GIGYF1: variants seen among roughly 807,000 people sequenced by gnomAD.
GIGYF1 encodes GRB10 interacting GYF protein 1, also known as GRB10-interacting GYF protein 1.
Under a neutral mutation model 147.1 loss-of-function variants are expected in GIGYF1, and 84 were observed. The observed-to-expected ratio is 0.57, with a 90% CI of 0.48 to 0.68. The LOEUF (loss-of-function observed/expected upper bound fraction) is 0.68. Among genes scored for constraint, GIGYF1 ranks in the 30% least tolerant of loss-of-function variants. The pLI, the probability that GIGYF1 is intolerant of heterozygous loss-of-function variation, is 0.00. For synonymous variants in GIGYF1, 752 were observed against 589.5 expected, an observed-to-expected ratio of 1.28 and a Z score of -3.99; for missense variants, 1,485 against 1,393.7, an observed-to-expected ratio of 1.07 and a Z score of -1.04.
Position 100,687,533 on chromosome 7 carries a change from G to T in GIGYF1, c.345C>A (p.Ser115=). 6.2e-7 allele frequency: 1 copy of T among 1,612,434 alleles called. No homozygotes were observed. Among genetic ancestry groups the T allele is most frequent in the Non-Finnish European group, 8.5e-7 (1 of 1,179,710 alleles). ...KGAGPPLAGT[S]RGRGSTRSRG... is the part of the protein sequence containing the mutation. ...GGCTCCGCGTGCTGCCCCTGCCTCG[G>T]GAGGTGCCAGCCAGGGGGGGGCCAG... Residue 115 remains serine, a synonymous_variant, in exon 7 of 27, where the codon TCC becomes TCA. Transcript: ENST00000678049.
rs760757328 is a variant in GIGYF1, at chr7:100,687,627, A to G, written c.262-11T>C. 20 of 1,602,820 alleles carry G rather than the reference A, an allele frequency of 1.2e-5. No individual in the cohort carries two copies. Among genetic ancestry groups the G allele is most frequent in the Non-Finnish European group, 1.5e-5 (18 of 1,174,548 alleles). ...CAGGGAGAAGTTTCTCTGAGGAGGG[A>G]GCCAGGGGCGGGAGTGAGGACCCAG... On this transcript the variant is annotated splice_polypyrimidine_tract_variant and intron_variant, in intron 6 of 26. Coordinates refer to ENST00000678049, the MANE Select transcript of GIGYF1 (RefSeq NM_001375765.1).
Position 100,684,083 on chromosome 7 carries a change from G to GCT in GIGYF1, c.1804_1805insAG (p.Pro602GlnfsTer33). ...CGTGAGCTGCTGCTGCTGCTGCTGT[G>GCT]GCGGCGGCGGTGGTGGCGGTGTCAG... is the stretch of plus-strand genomic sequence containing the variant. On this transcript the variant is annotated frameshift_variant, in exon 18 of 27. Coordinates refer to ENST00000678049, the MANE Select transcript of GIGYF1 (RefSeq NM_001375765.1). LOFTEE classifies it high-confidence loss of function. 1 of 1,606,672 alleles carries GCT rather than the reference G, an allele frequency of 6.2e-7. No individual in the cohort carries two copies. Among genetic ancestry groups the GCT allele is most frequent in the Non-Finnish European group, 8.5e-7 (1 of 1,179,558 alleles).
Position 100,688,275 on chromosome 7 carries a change from G to GT in GIGYF1, c.-38_-37insA. On this transcript the variant is annotated 5_prime_UTR_variant, in exon 4 of 27. Coordinates refer to ENST00000678049, the MANE Select transcript of GIGYF1 (RefSeq NM_001375765.1). ...GCGTGTTTGAGAGGCCGGGGGTGGG[G>GT]AGGAGGGGACCTGGCGTTCACTGTC... The GT allele has an allele frequency of 1.6e-6, 2 of 1,249,072 alleles. No homozygotes were observed. Among genetic ancestry groups the GT allele is most frequent in the Non-Finnish European group, 2.3e-6 (2 of 855,538 alleles). The allele number at this position is 1,249,072 out of a possible 1,614,324, so 77.4% of individuals were successfully genotyped here.
rs776031726 is a variant in GIGYF1, at chr7:100,684,085, C to A, written c.1803G>T (p.Pro601=). Residue 601 remains proline (P), a synonymous_variant, in exon 18 of 27, where the codon CCG becomes CCT. Coordinates refer to ENST00000678049, the MANE Select transcript of GIGYF1 (RefSeq NM_001375765.1). ...TGAGCTGCTGCTGCTGCTGCTGTGG[C>A]GGCGGCGGTGGTGGCGGTGTCAGGT... ...LGDLTPPPPP[P]PQQQQQQLTA... 7 of 1,606,040 alleles carry A rather than the reference C, an allele frequency of 4.4e-6. No homozygotes were observed. The highest frequency in any genetic ancestry group is 4.0e-5 in the African/African-American group (3 of 74,736).
chr7:100,693,705 G>A (rs1054044160), intron 1 of GIGYF1, among the ~76,000 whole-genome samples: 2 of 152,062 alleles, frequency 1.3e-5, no homozygotes, highest in Non-Finnish European at 1.5e-5. Context: ...CCCAGGGCAG[G>A]GCTTGGCAGG....
rs549384603 is a variant in GIGYF1, at chr7:100,686,221, T to C, written c.907A>G (p.Met303Val). Residue 303 changes from methionine to valine, a missense_variant, in exon 11 of 27, where the codon ATG (methionine) becomes GTG (valine). Transcript: ENST00000678049. ...EWCLDDEDEE[M>V]GTFDASGAFL... ...GCCCCAGAGGCATCAAAGGTGCCCA[T>C]TTCTTCATCCTCATCGTCCAGGCAC... 23 of 1,613,644 alleles carry C rather than the reference T, an allele frequency of 1.4e-5. No individual in the cohort carries two copies. The highest frequency in any genetic ancestry group is 1.9e-5 in the Non-Finnish European group (23 of 1,179,876).
Position 100,683,397 on chromosome 7 carries a change from C to T in GIGYF1, c.2100G>A (p.Glu700=), listed in dbSNP as rs780327495. 1.9e-6 allele frequency: 3 copies of T among 1,613,772 alleles called. No individual in the cohort carries two copies. The highest frequency in any genetic ancestry group is 2.5e-6 in the Non-Finnish European group (3 of 1,180,014). ...GCTTCTCCTCTCGACGCTTGCGTTC[C>T]TCTTCCTCCCGCTTCGCCCTGAGCT... is the stretch of plus-strand genomic sequence containing the variant. The part of the protein sequence containing the change: ...EVELRAKREE[E]ERKRREEKRR... The change falls in exon 21 of 27, where the codon GAG becomes GAA. Residue 700 remains glutamate (E), a synonymous_variant. Coordinates refer to ENST00000678049, the MANE Select transcript of GIGYF1 (RefSeq NM_001375765.1).
At position 100,684,765 on chromosome 7, in the gene GIGYF1, C is replaced by A. The variant is rs1243437982; in HGVS notation, c.1420G>T (p.Ala474Ser). The A allele has an allele frequency of 6.2e-7, 1 of 1,612,122 alleles. No individual in the cohort carries two copies. Among genetic ancestry groups the A allele is most frequent in the South Asian group, 1.1e-5 (1 of 90,898 alleles). Residue 474 changes from alanine to serine, a missense_variant, in exon 15 of 27, where the codon GCC (alanine) becomes TCC (serine). Transcript: ENST00000678049. ...ATALPLSHGA[A>S]RKWFYKDPQG... ...GGGTCCTTGTAGAACCACTTCCGGG[C>A]AGCCCCATGGCTGAGCGGGAGGGCA...
At chr7:100,682,925 G>T in intron 22 of GIGYF1, 87 bp downstream of exon 22, 1 of 1,293,602 alleles carries the variant, frequency 7.7e-7, no homozygotes, top group Non-Finnish European at 1.0e-6. Context: ...CTGGGGCTGG[G>T]GCTGCACAAG....
Position 100,684,825 on chromosome 7 carries a change from G to T in GIGYF1, c.1360C>A (p.Gln454Lys). The stretch of plus-strand genomic sequence containing the variant: ...GCAGAGTGGCGCAGGCCCTGGGTCT[G>T]CATGGCAGCCGTGAACTGCTCCTCC... ...LEEEQFTAAM[Q>K]TQGLRHSAAA... The change falls in exon 15 of 27, where the codon CAG becomes AAG. Residue 454 changes from glutamine to lysine, a missense_variant. Gln to Lys is a moderately conservative substitution (Grantham distance 53, BLOSUM62 1). Coordinates refer to ENST00000678049, the MANE Select transcript of GIGYF1 (RefSeq NM_001375765.1). 6.2e-7 allele frequency: 1 copy of T among 1,608,590 alleles called. No individual in the cohort carries two copies. The highest frequency in any genetic ancestry group is 8.5e-7 in the Non-Finnish European group (1 of 1,177,454).
rs764927864 is a variant in GIGYF1, at chr7:100,684,290, C to A, written c.1677G>T (p.Ala559=). The change falls in exon 17 of 27, where the codon GCG becomes GCT. Residue 559 remains alanine (A), a synonymous_variant. Coordinates refer to ENST00000678049, the MANE Select transcript of GIGYF1 (RefSeq NM_001375765.1). The part of the protein sequence containing the change: ...ERLKKQQELA[A]AALYQQLQHQ... ...GCTGCAGCTGCTGGTACAAGGCCGC[C>A]GCGGCCAGCTCCTGTTGCTTCTTCA... 6.2e-7 allele frequency: 1 copy of A among 1,604,960 alleles called. No homozygotes were observed. The highest frequency in any genetic ancestry group is 2.2e-5 in the East Asian group (1 of 44,488).
intron 1 of GIGYF1, among the ~76,000 whole-genome samples, chr7:100,691,109 A>T (rs967909725): frequency 6.6e-6 from 1 of 152,164 alleles, no homozygotes; most frequent in Non-Finnish European, 1.5e-5. Flanking sequence ...CCTTGGACTA[A>T]AGGAACTAGT....
In GIGYF1 at chr7:100,681,567, G is replaced by C; in HGVS notation, c.*152C>G. ...CTGTAAAGTGCCTCGTGGTGGGTGAGTTAAGGTGCATCGTGTGTTTGTAAC... is the reference window on the plus strand; with the variant it reads ...CTGTAAAGTGCCTCGTGGTGGGTGACTTAAGGTGCATCGTGTGTTTGTAAC... On this transcript the variant is annotated 3_prime_UTR_variant, in exon 27 of 27. Transcript: ENST00000678049. The C allele has an allele frequency of 1.8e-6, 1 of 545,512 alleles. No homozygotes were observed. Among genetic ancestry groups the C allele is most frequent in the South Asian group, 3.8e-5 (1 of 26,604 alleles). The allele number at this position is 545,512 out of a possible 1,614,324, so 33.8% of individuals were successfully genotyped here.
At chr7:100,688,158 T>G in intron 4 of GIGYF1, 46 bp downstream of exon 4, 1 of 1,609,160 alleles carries the variant, frequency 6.2e-7, no homozygotes, top group Non-Finnish European at 8.5e-7. Flanking sequence ...GCAGCCTGAC[T>G]GTGCTTTCTC....
intron 1 of GIGYF1, among the ~76,000 whole-genome samples, chr7:100,692,992 T>C (rs1237069105): frequency 6.6e-6 from 1 of 152,172 alleles, no homozygotes; most frequent in Admixed American, 6.6e-5. Flanking sequence ...GGTGTTTCCA[T>C]GCCAAAGGCG....
chr7:100,685,279 G>C, intron 13 of GIGYF1, 65 bp downstream of exon 13: 1 of 1,534,388 alleles, frequency 6.5e-7, no homozygotes. Flanking sequence ...CCACCCCCAC[G>C]AGTGGGGAGC....
At position 100,688,700 on chromosome 7, in the gene GIGYF1, T is replaced by G. The variant is rs544684843; in HGVS notation, c.-243A>C. 7 of 357,532 alleles carry G rather than the reference T, an allele frequency of 2.0e-5. No homozygotes were observed. Among genetic ancestry groups the G allele is most frequent in the Admixed American group, 1.8e-4 (5 of 27,866 alleles). 22.1% of individuals were successfully genotyped at this position (357,532 alleles called of 1,614,324 possible). Reference sequence around the variant, plus strand: ...ACCTCAGTAGAGCCTGGGAGGGACCTTCACATCTGGGAAAGACCCTTAAGG... The same window carrying G: ...ACCTCAGTAGAGCCTGGGAGGGACCGTCACATCTGGGAAAGACCCTTAAGG... On this transcript the variant is annotated 5_prime_UTR_variant, in exon 2 of 27. Transcript: ENST00000678049.
chr7:100,686,127 G>A, intron 11 of GIGYF1, 48 bp from the exon 12 acceptor site: 2 of 1,602,152 alleles, frequency 1.2e-6, no homozygotes, highest in African/African-American at 1.3e-5. Flanking sequence ...GGTGGGTGGG[G>A]AGGAAGAGGA....
intron 1 of GIGYF1, among the ~76,000 whole-genome samples, chr7:100,691,172 G>A (rs1805797290): frequency 3.9e-5 from 6 of 152,230 alleles, no homozygotes; most frequent in Admixed American, 3.9e-4. Context: ...GTTCTGGACT[G>A]GGGGCACCTC....
Sources: gnomAD v4.1 joint callset for allele counts (sites outside exome capture counted in the v4.1 genomes callset) on GRCh38, gnomAD v4.1.1 for gene constraint, MANE v1.5 for transcripts, NCBI Gene and HGNC (gene_info 2026-07-23, HGNC 2026-07-21) for gene names.